EBF2: variants seen among roughly 807,000 people sequenced by gnomAD.
EBF2 encodes EBF transcription factor 2.
EBF2 carries 21 observed loss-of-function variants against 72.8 expected under a neutral mutation model. That is an observed-to-expected ratio of 0.29 (90% CI 0.20 to 0.42). EBF2 has a LOEUF of 0.42. Ranked by LOEUF, EBF2 falls within the 10% of genes least tolerant of loss-of-function variation. The pLI, the probability that EBF2 is intolerant of heterozygous loss-of-function variation, is 1.00. For missense variants in EBF2, 637 were observed against 731.2 expected, an observed-to-expected ratio of 0.87 and a Z score of 1.49; for synonymous variants, 299 against 274.2, an observed-to-expected ratio of 1.09 and a Z score of -0.89.
intron 10 of EBF2, among the ~76,000 whole-genome samples, chr8:25,883,494 G>T (rs2117286159): frequency 1.4e-5 from 2 of 146,854 alleles, no homozygotes; most frequent in South Asian, 2.2e-4. Flanking sequence ...TATTGATTTT[G>T]TGTGTTTAGA....
chr8:25,903,187 G>GTTTTTTTTGTT (rs1802982780), intron 7 of EBF2, among the ~76,000 whole-genome samples: 1 of 132,524 alleles, frequency 7.5e-6, no homozygotes, highest in Non-Finnish European at 1.6e-5. Flanking sequence ...TTTTGTCTGG[G>GTTTTTTTTGTT]TTTTTTTTTT....
intron 6 of EBF2, among the ~76,000 whole-genome samples, chr8:25,967,127 C>T (rs1371561520): frequency 6.6e-6 from 1 of 152,192 alleles, no homozygotes; most frequent in Non-Finnish European, 1.5e-5. Context: ...AAAACTCCAA[C>T]TAATGGTGCA....
chr8:25,944,780 TATA>T (rs1201139202), intron 6 of EBF2, among the ~76,000 whole-genome samples: 7 of 148,932 alleles, frequency 4.7e-5, no homozygotes, highest in Admixed American at 3.4e-4. Flanking sequence ...ATATTGTGTA[TATA>T]ATTATACATG....
At chr8:25,900,203 C>A (rs1214572919) in intron 7 of EBF2, among the ~76,000 whole-genome samples, 1 of 152,172 alleles carries the variant, frequency 6.6e-6, no homozygotes, top group Admixed American at 6.5e-5. Context: ...CACCTGTAAT[C>A]CCAACAATTT....
chr8:25,855,105 C>CAAAGTAAAGA (rs2117254259), intron 14 of EBF2, among the ~76,000 whole-genome samples: 1 of 152,206 alleles, frequency 6.6e-6, no homozygotes, highest in Non-Finnish European at 1.5e-5. Flanking sequence ...GGATAGAGGC[C>CAAAGTAAAGA]AAAGTAAAGA....
intron 6 of EBF2, chr8:26,031,844 A>C (rs1415342126): frequency 6.6e-6 from 1 of 152,170 alleles, no homozygotes; most frequent in African/African-American, 2.4e-5. Context: ...TAGATGAGGA[A>C]AATGACTGAC....
chr8:25,865,461 G>C (rs558797636), intron 10 of EBF2, among the ~76,000 whole-genome samples: 1 of 152,126 alleles, frequency 6.6e-6, no homozygotes, highest in African/African-American at 2.4e-5. Flanking sequence ...GAGTTGAGTA[G>C]ATCTAGGGTC....
intron 6 of EBF2, among the ~76,000 whole-genome samples, chr8:25,974,067 T>G (rs1804230339): frequency 6.6e-6 from 1 of 152,196 alleles, no homozygotes; most frequent in African/African-American, 2.4e-5. Flanking sequence ...CTATGAGAAT[T>G]CCAAATGGAA....
chr8:25,877,821 A>C (rs1802548190), intron 10 of EBF2, among the ~76,000 whole-genome samples: 1 of 152,116 alleles, frequency 6.6e-6, no homozygotes, highest in Non-Finnish European at 1.5e-5. Context: ...CCACGGGTGG[A>C]GTGCTTTATA....
chr8:25,868,224 A>G (rs1166221820), intron 10 of EBF2, among the ~76,000 whole-genome samples: 2 of 152,248 alleles, frequency 1.3e-5, no homozygotes, highest in African/African-American at 4.8e-5. Flanking sequence ...TGCTTATTGT[A>G]GCCAACTGCC....
chr8:25,961,721 A>G (rs2117179451), intron 6 of EBF2, among the ~76,000 whole-genome samples: 1 of 152,306 alleles, frequency 6.6e-6, no homozygotes, highest in African/African-American at 2.4e-5. Flanking sequence ...ACTCCTCATA[A>G]TGCTGGTTTT....
chr8:25,844,711 G>A, intron 15 of EBF2, 71 bp from the exon 16 acceptor site: 7 of 1,574,938 alleles, frequency 4.4e-6, no homozygotes, highest in Non-Finnish European at 6.1e-6. Context: ...CACAGAATGA[G>A]GGGCAGGGGA....
intron 10 of EBF2, among the ~76,000 whole-genome samples, chr8:25,886,257 T>C (rs1481756316): frequency 6.6e-6 from 1 of 152,200 alleles, no homozygotes; most frequent in Non-Finnish European, 1.5e-5. Context: ...GGGGAAGGGA[T>C]CATGTCTTAC....
At chr8:26,001,261 C>A (rs1245160333) in intron 6 of EBF2, among the ~76,000 whole-genome samples, 1 of 151,150 alleles carries the variant, frequency 6.6e-6, no homozygotes, top group Non-Finnish European at 1.5e-5. Flanking sequence ...CCAGCTCCTG[C>A]CTTCAAAAAA....
At chr8:25,939,737 C>T (rs755662098) in intron 6 of EBF2, among the ~76,000 whole-genome samples, 7 of 152,156 alleles carry the variant, frequency 4.6e-5, no homozygotes, top group Admixed American at 6.5e-5. Context: ...TTCTCCTTAT[C>T]TGTGAATCAG....
At position 25,986,775 on chromosome 8, in the gene EBF2, G is replaced by A. The variant is rs533515278; in HGVS notation, c.551+46310C>T. Among the ~76,000 whole-genome samples, 35 of 152,294 alleles carry A rather than the reference G, an allele frequency of 2.3e-4. No homozygotes were observed. In the East Asian group the frequency reaches 3.3e-3, roughly 14 times the overall value. Reference sequence around the variant, plus strand: ...AGTTGTAACAGACATAGGTGGAGACGGTTCCTAAGATAAAAGCTGAATGGA... The same window carrying A: ...AGTTGTAACAGACATAGGTGGAGACAGTTCCTAAGATAAAAGCTGAATGGA... On this transcript the variant is annotated intron_variant, in intron 6 of 15. Coordinates refer to ENST00000520164, the MANE Select transcript of EBF2 (RefSeq NM_022659.4).
intron 6 of EBF2, among the ~76,000 whole-genome samples, chr8:26,000,849 C>T (rs1422449456): frequency 6.6e-6 from 1 of 152,292 alleles, no homozygotes; most frequent in African/African-American, 2.4e-5. Context: ...CGTAAAAATG[C>T]CAGCCGAAGA....
intron 6 of EBF2, among the ~76,000 whole-genome samples, chr8:25,996,545 A>G (rs1385046459): frequency 6.6e-6 from 1 of 152,116 alleles, no homozygotes; most frequent in Admixed American, 6.5e-5. Flanking sequence ...ATCATGGCCA[A>G]AACTGCACAC....
intron 7 of EBF2, among the ~76,000 whole-genome samples, chr8:25,905,154 C>T (rs62499078): frequency 0.024 from 3,649 of 152,230 alleles, 115 homozygotes; most frequent in East Asian, 0.11. Context: ...GATACCTCTT[C>T]ACACCCATAG....
Sources: gnomAD v4.1 joint callset for allele counts (sites outside exome capture counted in the v4.1 genomes callset) on GRCh38, gnomAD v4.1.1 for gene constraint, MANE v1.5 for transcripts, NCBI Gene and HGNC (gene_info 2026-07-23, HGNC 2026-07-21) for gene names.